The following GALNT10 variants were observed in gnomAD, a reference collection of about 807,000 sequenced individuals.
GALNT10 encodes the protein GalNAc transferase 10.
In GALNT10, 41 loss-of-function variants were observed where a neutral mutation model predicts 75.0. That is an observed-to-expected ratio of 0.55 (90% CI 0.43 to 0.71). The LOEUF (loss-of-function observed/expected upper bound fraction) is 0.71, where lower values mean the gene tolerates loss of function less well. GALNT10 is among the 30% of genes least tolerant of loss of function. GALNT10 has a pLI of 0.00. For synonymous variants in GALNT10, 302 were observed against 313.0 expected, an observed-to-expected ratio of 0.96 and a Z score of 0.37; for missense variants, 727 against 818.5, an observed-to-expected ratio of 0.89 and a Z score of 1.36.
At chr5:154,236,791 G>A (rs758805637) in intron 1 of GALNT10, among the ~76,000 whole-genome samples, 10 of 152,208 alleles carry the variant, frequency 6.6e-5, no homozygotes, top group East Asian at 1.9e-4. Context: ...ATGTACCACC[G>A]AGCTGGAAAC....
At chr5:154,227,065 T>C (rs2113659870) in intron 1 of GALNT10, among the ~76,000 whole-genome samples, 1 of 152,372 alleles carries the variant, frequency 6.6e-6, no homozygotes, top group East Asian at 1.9e-4. Context: ...TTTGTGTGGT[T>C]ATACCATGGT....
At chr5:154,249,601 T>TA in intron 1 of GALNT10, among the ~76,000 whole-genome samples, 1 of 152,114 alleles carries the variant, frequency 6.6e-6, no homozygotes, top group Non-Finnish European at 1.5e-5. Flanking sequence ...GGTTTCAGGA[T>TA]AGATGGGTCC....
intron 1 of GALNT10, among the ~76,000 whole-genome samples, chr5:154,288,417 TGTGTGTGTG>T (rs1561651118): frequency 6.2e-5 from 8 of 130,026 alleles, no homozygotes; most frequent in Admixed American, 2.2e-4. Context: ...TTTGTGTGTG[TGTGTGTGTG>T]TGTGTGTGTG....
intron 1 of GALNT10, among the ~76,000 whole-genome samples, chr5:154,212,629 C>T (rs1317235388): frequency 6.6e-6 from 1 of 152,180 alleles, no homozygotes; most frequent in Non-Finnish European, 1.5e-5. Context: ...CACGATGGCA[C>T]AGCTTGTAAG....
intron 1 of GALNT10, among the ~76,000 whole-genome samples, chr5:154,200,447 G>A (rs1232307690): frequency 6.6e-6 from 1 of 151,778 alleles, no homozygotes; most frequent in Non-Finnish European, 1.5e-5. Flanking sequence ...TCTGGCAGGG[G>A]TGTGTGTGTG....
chr5:154,307,151 A>G (rs184363758), intron 3 of GALNT10, among the ~76,000 whole-genome samples: 13 of 152,366 alleles, frequency 8.5e-5, no homozygotes, highest in Admixed American at 3.9e-4. Context: ...CGCTGAAATG[A>G]CAGATTCTTT....
chr5:154,353,760 G>T (rs552610540), intron 4 of GALNT10, among the ~76,000 whole-genome samples: 13 of 152,270 alleles, frequency 8.5e-5, no homozygotes, highest in African/African-American at 3.1e-4. Context: ...TTTCCTCCTG[G>T]CAAATCCTGT....
chr5:154,293,877 G>A (rs1561652655), intron 1 of GALNT10, among the ~76,000 whole-genome samples: 1 of 151,928 alleles, frequency 6.6e-6, no homozygotes, highest in South Asian at 2.1e-4. Flanking sequence ...AATGCACTCA[G>A]GTCCATGAAA....
intron 1 of GALNT10, among the ~76,000 whole-genome samples, chr5:154,267,141 C>T (rs756342144): frequency 1.3e-5 from 2 of 152,126 alleles, no homozygotes; most frequent in Non-Finnish European, 2.9e-5. Flanking sequence ...AAGAGAAACA[C>T]GTTTTTATAT....
In GALNT10 at chr5:154,190,800, G is replaced by GGCGGACGA. The variant is rs905280107; in HGVS notation, c.-60_-59insAGCGGACG. ...AGCTGCTGCCGCCGCCGGGCGGACGGGCGGACGCGCGGAGCTGGGGGCGGC... is the reference window on the plus strand; with the variant it reads ...AGCTGCTGCCGCCGCCGGGCGGACGGGCGGACGAGCGGACGCGCGGAGCTGGGGGCGGC... On this transcript the variant is annotated 5_prime_UTR_variant, in exon 1 of 12. Coordinates refer to ENST00000297107, the MANE Select transcript of GALNT10 (RefSeq NM_198321.4). 28 of 866,992 alleles carry GGCGGACGA rather than the reference G, an allele frequency of 3.2e-5. No individual in the cohort carries two copies. In the East Asian group the frequency reaches 2.2e-3, roughly 67 times the overall value. 53.7% of individuals were successfully genotyped at this position (866,992 alleles called of 1,614,324 possible). A position where few individuals can be genotyped will look rare whatever the true frequency, so the allele number is the denominator to read the frequency against.
chr5:154,322,306 G>A (rs1410185867), intron 3 of GALNT10, among the ~76,000 whole-genome samples: 2 of 152,048 alleles, frequency 1.3e-5, no homozygotes, highest in Non-Finnish European at 2.9e-5. Flanking sequence ...ATCTTCCTGG[G>A]CTCACGACCC....
At chr5:154,404,518 G>A (rs2112606) in intron 8 of GALNT10, among the ~76,000 whole-genome samples, 87,788 of 152,096 alleles carry the variant, frequency 0.58, 26,812 homozygotes, top group African/African-American at 0.77. Context: ...CTGTTTCCCA[G>A]AGTGTGACAG....
intron 1 of GALNT10, among the ~76,000 whole-genome samples, chr5:154,216,675 C>G (rs1752879700): frequency 6.6e-6 from 1 of 152,182 alleles, no homozygotes; most frequent in South Asian, 2.1e-4. Flanking sequence ...TCACTGAAAA[C>G]CTACCAGCTT....
At chr5:154,391,841 C>T (rs914226716) in intron 7 of GALNT10, among the ~76,000 whole-genome samples, 1 of 149,774 alleles carries the variant, frequency 6.7e-6, no homozygotes, top group African/African-American at 2.5e-5. Context: ...GGCTTTTTCT[C>T]ATGGAGATCC....
intron 1 of GALNT10, among the ~76,000 whole-genome samples, chr5:154,265,822 G>C (rs1668102142): frequency 6.6e-6 from 1 of 151,988 alleles, no homozygotes; most frequent in Admixed American, 6.6e-5. Context: ...CCAGCTCCCA[G>C]ATGGCCATGC....
intron 1 of GALNT10, among the ~76,000 whole-genome samples, chr5:154,231,726 T>TCAAGGC (rs1199539618): frequency 6.6e-6 from 1 of 152,198 alleles, no homozygotes; most frequent in East Asian, 1.9e-4. Context: ...GTCTCTTATC[T>TCAAGGC]CAAGGCCATA....
At chr5:154,303,623 AAG>A (rs1561655570) in intron 3 of GALNT10, among the ~76,000 whole-genome samples, 1 of 152,190 alleles carries the variant, frequency 6.6e-6, no homozygotes, top group Non-Finnish European at 1.5e-5. Context: ...GAGTACTTAG[AAG>A]AGTTTTGCCT....
chr5:154,228,525 A>G (rs34875605), intron 1 of GALNT10, among the ~76,000 whole-genome samples: 5,781 of 152,296 alleles, frequency 0.038, 146 homozygotes, highest in African/African-American at 0.071. Flanking sequence ...TTAAATTTTC[A>G]GTTTGAAGTT....
chr5:154,218,064 G>C (rs1018639230), intron 1 of GALNT10: 3 of 984,866 alleles, frequency 3.0e-6, no homozygotes, highest in Non-Finnish European at 3.6e-6. Flanking sequence ...ACTGCTGTTC[G>C]ACTGAGACCA....
Sources: gnomAD v4.1 joint callset for allele counts (sites outside exome capture counted in the v4.1 genomes callset) on GRCh38, gnomAD v4.1.1 for gene constraint, MANE v1.5 for transcripts, NCBI Gene and HGNC (gene_info 2026-07-23, HGNC 2026-07-21) for gene names.